Variants in PCDHA9 observed in about 807,000 individuals in gnomAD.
PCDHA9 encodes protocadherin alpha 9, also known as protocadherin alpha-9.
Under a neutral mutation model 62.0 loss-of-function variants are expected in PCDHA9, and 62 were observed. The observed-to-expected ratio is 1.00, with a 90% CI of 0.81 to 1.23. PCDHA9 has a LOEUF of 1.23. PCDHA9 is among the 50% of genes most tolerant of loss of function. The pLI, the probability that PCDHA9 is intolerant of heterozygous loss-of-function variation, is 0.00. For missense variants in PCDHA9, 1,205 were observed against 1,249.8 expected (o/e 0.96, Z 0.54); for synonymous variants, 557 against 567.6 (o/e 0.98, Z 0.27).
chr5:140,920,692 A>G (rs552577858), intron 1 of PCDHA9, among the ~76,000 whole-genome samples: 2 of 152,232 alleles, frequency 1.3e-5, no homozygotes, highest in Non-Finnish European at 2.9e-5. Flanking sequence ...AAAAATACAA[A>G]CATTAGCTTG....
rs762916391 is a variant in PCDHA9, at chr5:140,927,929, C to T, written c.2395-51020C>T. 13 of 1,614,090 alleles carry T rather than the reference C, an allele frequency of 8.1e-6. No homozygotes were observed. The highest frequency in any genetic ancestry group is 5.0e-5 in the Admixed American group (3 of 60,008). ...CCCGAACTGGACTTCCTGACTCTTT[C>T]GAACCCAGTACCTGAGGACGCTGCC... On this transcript the variant is annotated intron_variant, in intron 1 of 3. Transcript: ENST00000532602.
At chr5:140,883,627 G>A (rs781902332) in intron 1 of PCDHA9, 34 of 1,613,816 alleles carry the variant, frequency 2.1e-5, no homozygotes, top group Non-Finnish European at 2.7e-5. Context: ...ACAACGCGCC[G>A]GCGTTCGCGC....
At chr5:140,863,396 G>A (rs782335492) in intron 1 of PCDHA9, 12 of 872,454 alleles carry the variant, frequency 1.4e-5, no homozygotes, top group South Asian at 8.9e-5. Context: ...TGCATGCCGG[G>A]CAAGCCCACG....
chr5:140,940,666 A>G (rs1398290925), intron 1 of PCDHA9, among the ~76,000 whole-genome samples: 1 of 152,176 alleles, frequency 6.6e-6, no homozygotes, highest in Non-Finnish European at 1.5e-5. Flanking sequence ...TTAAATCTTC[A>G]TCTGATAATT....
At chr5:140,923,104 A>AT (rs2081172107) in intron 1 of PCDHA9, among the ~76,000 whole-genome samples, 1 of 152,194 alleles carries the variant, frequency 6.6e-6, no homozygotes, top group Admixed American at 6.5e-5. Context: ...TGGGAGTATG[A>AT]TTTTAAGTTT....
intron 1 of PCDHA9, chr5:140,927,767 A>G (rs2084615997): frequency 6.2e-7 from 1 of 1,614,176 alleles, no homozygotes. Context: ...AAAAGTGGGG[A>G]GGTGCAAGTA....
At chr5:140,870,938 C>T in intron 1 of PCDHA9, 5 of 1,613,724 alleles carry the variant, frequency 3.1e-6, no homozygotes, top group East Asian at 2.2e-5. Flanking sequence ...GAATTGCAGC[C>T]GGCGGCGGGC....
Position 140,853,619 on chromosome 5 carries a change from G to C in PCDHA9, c.2394+2730G>C. 2.0e-6 allele frequency: 2 copies of C among 988,316 alleles called. 1 individual carries two copies. The allele number at this position is 988,316 out of a possible 1,614,324, so 61.2% of individuals were successfully genotyped here. A position where few individuals can be genotyped will look rare whatever the true frequency, so the allele number is the denominator to read the frequency against. ...AGAGCAAAGGGGGTGCTGTAAATAA[G>C]TATACAAGATCACAGACCTAAATTG... On this transcript the variant is annotated intron_variant, in intron 1 of 3. Transcript: ENST00000532602.
At chr5:140,897,240 A>T (rs1475170855) in intron 1 of PCDHA9, among the ~76,000 whole-genome samples, 5 of 151,908 alleles carry the variant, frequency 3.3e-5, no homozygotes, top group Non-Finnish European at 5.9e-5. Flanking sequence ...TGTGCAGGTT[A>T]GTTACATATG....
At chr5:141,006,181 G>A (rs960173277) in intron 3 of PCDHA9, among the ~76,000 whole-genome samples, 1 of 150,918 alleles carries the variant, frequency 6.6e-6, no homozygotes, top group Non-Finnish European at 1.5e-5. Flanking sequence ...TTTTAAAAGA[G>A]TTTGCTATAT....
chr5:140,911,036 G>A (rs2075296113), intron 1 of PCDHA9, among the ~76,000 whole-genome samples: 1 of 152,104 alleles, frequency 6.6e-6, no homozygotes, highest in African/African-American at 2.4e-5. Flanking sequence ...AGGTCTAGAA[G>A]CAAACAGGGG....
rs182447320 is a variant in PCDHA9, at chr5:140,868,739, C to A, written c.2394+17850C>A. 921 of 204,056 alleles carry A rather than the reference C, an allele frequency of 4.5e-3. 4 individuals carry two copies. The highest frequency in any genetic ancestry group is 0.012 in the Middle Eastern group (6 of 494). The allele number at this position is 204,056 out of a possible 1,614,324, so 12.6% of individuals were successfully genotyped here. ...TAAATTTGATGTTAATCGAGAAATACAATGCCATTTCCATATATATTTAGT... is the reference window on the plus strand; with the variant it reads ...TAAATTTGATGTTAATCGAGAAATAAAATGCCATTTCCATATATATTTAGT... On this transcript the variant is annotated intron_variant, in intron 1 of 3. Transcript: ENST00000532602.
In PCDHA9 at chr5:140,858,397, C is replaced by T. The variant is rs781916951; in HGVS notation, c.2394+7508C>T. On this transcript the variant is annotated intron_variant, in intron 1 of 3. Coordinates refer to ENST00000532602, the MANE Select transcript of PCDHA9 (RefSeq NM_031857.2). ...CACCATGCCCAATGGTAGATGTGGA[C>T]GGGGAAGATCAGTCTATTGGAGGGG... is the stretch of plus-strand genomic sequence containing the variant. 2.5e-6 allele frequency: 4 copies of T among 1,573,184 alleles called. No individual in the cohort carries two copies. In the South Asian group the frequency reaches 4.5e-5, roughly 18 times the overall value.
intron 1 of PCDHA9, among the ~76,000 whole-genome samples, chr5:140,880,055 C>G (rs1024788960): frequency 1.3e-5 from 2 of 152,146 alleles, no homozygotes; most frequent in Admixed American, 6.5e-5. Flanking sequence ...GTGGGCATAA[C>G]TTTTTGGGGA....
In PCDHA9 at chr5:140,883,376, G is replaced by T. The variant is rs1276182742; in HGVS notation, c.2394+32487G>T. On this transcript the variant is annotated intron_variant, in intron 1 of 3. Transcript: ENST00000532602. The stretch of plus-strand genomic sequence containing the variant: ...AGACACTCAGCCTAGCGCCATTATT[G>T]CCCTAATCAGTGTGTCCGATCGTGA... 25 of 1,613,998 alleles carry T rather than the reference G, an allele frequency of 1.5e-5. No homozygotes were observed. The highest frequency in any genetic ancestry group is 2.0e-5 in the Non-Finnish European group (24 of 1,180,022).
chr5:140,858,019 G>C (rs377389644), intron 1 of PCDHA9: 2 of 1,596,850 alleles, frequency 1.3e-6, no homozygotes, highest in Non-Finnish European at 1.7e-6. Flanking sequence ...GCGAGCCGTC[G>C]CTGACGGCCA....
chr5:140,869,430 C>G (rs73793507), intron 1 of PCDHA9: 1 of 1,614,036 alleles, frequency 6.2e-7, no homozygotes, highest in African/African-American at 1.3e-5. Context: ...TGGAGGTGAT[C>G]GTGGACAGGC....
intron 1 of PCDHA9, chr5:140,858,024 C>G: frequency 6.3e-7 from 1 of 1,596,700 alleles, no homozygotes; most frequent in Non-Finnish European, 8.6e-7. Context: ...CCGTCGCTGA[C>G]GGCCACGGCC....
At position 141,009,699 on chromosome 5, in the gene PCDHA9, G is replaced by A. The variant is rs1554262287; in HGVS notation, c.2615G>A (p.Gly872Glu). Residue 872 changes from glycine to glutamate, a missense_variant, in exon 4 of 4, where the codon GGA becomes GAA. Gly to Glu is a moderately conservative substitution (Grantham distance 98, BLOSUM62 -2). Transcript: ENST00000532602. ...AGCAACAGCTGGACCTTTAAATACG[G>A]ACCAGGCAACCCCAAACAATCCGGT... Reference protein sequence around the residue: ...VNSNSWTFKYGPGNPKQSGPG... With the variant: ...VNSNSWTFKYEPGNPKQSGPG... 1 of 1,614,030 alleles carries A rather than the reference G, an allele frequency of 6.2e-7. No individual in the cohort carries two copies. The highest frequency in any genetic ancestry group is 8.5e-7 in the Non-Finnish European group (1 of 1,180,010).
Sources: allele counts gnomAD v4.1 joint callset (sites outside exome capture counted in the v4.1 genomes callset), GRCh38; gene constraint gnomAD v4.1.1; transcripts MANE v1.5; gene names NCBI Gene and HGNC (gene_info 2026-07-23, HGNC 2026-07-21).